INPPL1: variants seen among roughly 807,000 people sequenced by gnomAD.
INPPL1 encodes the protein phosphatidylinositol 3,4,5-trisphosphate 5-phosphatase 2.
In INPPL1, 91 loss-of-function variants were observed where a neutral mutation model predicts 139.3. The observed-to-expected ratio is 0.65, with a 90% CI of 0.55 to 0.78. The LOEUF (loss-of-function observed/expected upper bound fraction) is 0.78, where lower values mean the gene tolerates loss of function less well. Among genes scored for constraint, INPPL1 ranks in the 30% least tolerant of loss-of-function variants. The probability of loss-of-function intolerance (pLI) is 0.00; values close to 1 mark genes in which losing one functional copy is unlikely to be tolerated. For missense variants in INPPL1, 1,411 were observed against 1,665.6 expected (o/e 0.85, Z 2.66); for synonymous variants, 719 against 686.6 (o/e 1.05, Z -0.74).
rs1591274842 is a variant in INPPL1, at chr11:72,230,087, G to A, written c.940-34G>A. The A allele has an allele frequency of 3.7e-6, 6 of 1,612,332 alleles. No homozygotes were observed. In the East Asian group the frequency reaches 1.3e-4, roughly 36 times the overall value. On this transcript the variant is annotated intron_variant, in intron 8 of 27. Transcript: ENST00000298229. ...GTGACCAGGGTGCTGCCTACTCCAA[G>A]GTCTTGTCAGCAGCCTCCCCACCTG...
At chr11:72,237,917 A>T (rs1949041611) in intron 26 of INPPL1, 121 bp downstream of exon 26, 1 of 1,440,824 alleles carries the variant, frequency 6.9e-7, no homozygotes, top group Non-Finnish European at 9.2e-7. Flanking sequence ...ATCACTGGGA[A>T]GTTGGGAGAC....
rs1948974869 is a variant in INPPL1, at chr11:72,235,885, C to T, written c.2778C>T (p.Cys926=). The T allele has an allele frequency of 3.1e-6, 5 of 1,613,298 alleles. No individual in the cohort carries two copies. The highest frequency in any genetic ancestry group is 4.2e-6 in the Non-Finnish European group (5 of 1,179,812). ...AGCCAGCCTTCACAGAGGCCTCCTG[C>T]CCGCTCTCCAGGTTATTTGAAGAAC... ...SRKPAFTEAS[C]PLSRLFEEPE... Residue 926 remains cysteine, a synonymous_variant, in exon 25 of 28, where the codon TGC becomes TGT. Transcript: ENST00000298229. The surrounding 1 kb of genome is among the most constrained non-coding windows in gnomAD (Gnocchi z 4.9).
In INPPL1 at chr11:72,238,757, C is replaced by T. The variant is rs1235621396; in HGVS notation, c.*404C>T. 6.4e-6 allele frequency: 1 copy of T among 156,372 alleles called. No individual in the cohort carries two copies. The highest frequency in any genetic ancestry group is 6.5e-5 in the Admixed American group (1 of 15,394). 9.7% of individuals were successfully genotyped at this position (156,372 alleles called of 1,614,324 possible). On this transcript the variant is annotated 3_prime_UTR_variant, in exon 28 of 28. Transcript: ENST00000298229. ...CAGCGGAGGAGCTCCGCTAAGACCTCCCCACCCCCGCTGGGGGTGGGGGCG... is the reference window on the plus strand; with the variant it reads ...CAGCGGAGGAGCTCCGCTAAGACCTTCCCACCCCCGCTGGGGGTGGGGGCG...
At chr11:72,232,579 C>G (rs1591279505) in intron 14 of INPPL1, 47 bp from the exon 15 acceptor site, 3 of 1,604,364 alleles carry the variant, frequency 1.9e-6, no homozygotes, top group Non-Finnish European at 2.6e-6. Context: ...ACTTCTGGCC[C>G]TGACCCTGGG....
rs200310571 is a variant in INPPL1, at chr11:72,235,290, C to T, written c.2504-6C>T. On this transcript the variant is annotated splice_region_variant and splice_polypyrimidine_tract_variant and intron_variant, in intron 22 of 27. Transcript: ENST00000298229. This position sits in a 1 kb window ranked among gnomAD's most constrained non-coding sequence, Gnocchi z 4.9. Reference sequence around the variant, plus strand: ...AATTTGCTGGTTTGTCCCATCTGCTCCTCAGGGGAGTGTGTGGTTGCACTC... The same window carrying T: ...AATTTGCTGGTTTGTCCCATCTGCTTCTCAGGGGAGTGTGTGGTTGCACTC... 1.2e-6 allele frequency: 2 copies of T among 1,614,024 alleles called. No homozygotes were observed. The highest frequency in any genetic ancestry group is 4.5e-5 in the East Asian group (2 of 44,874).
At position 72,233,640 on chromosome 11, in the gene INPPL1, A is replaced by C. The variant is rs151248494; in HGVS notation, c.2123-15A>C. 1.2e-6 allele frequency: 2 copies of C among 1,613,002 alleles called. No homozygotes were observed. On this transcript the variant is annotated splice_polypyrimidine_tract_variant and intron_variant, in intron 18 of 27. Coordinates refer to ENST00000298229, the MANE Select transcript of INPPL1 (RefSeq NM_001567.4). The stretch of plus-strand genomic sequence containing the variant: ...ATATTCCCCCTGAGTCCCCATTCCT[A>C]TCCCCTCTCCCCAGGTTGCACTGAT...
chr11:72,230,104 C>G lies in INPPL1; in HGVS notation c.940-17C>G. The G allele has an allele frequency of 1.9e-6, 3 of 1,611,126 alleles. No homozygotes were observed. The highest frequency in any genetic ancestry group is 1.1e-5 in the South Asian group (1 of 90,982). On this transcript the variant is annotated splice_polypyrimidine_tract_variant and intron_variant, in intron 8 of 27. Transcript: ENST00000298229. The stretch of plus-strand genomic sequence containing the variant: ...TACTCCAAGGTCTTGTCAGCAGCCT[C>G]CCCACCTGGCCTACAGGTGAAGCTA...
intron 15 of INPPL1, 40 bp from the exon 16 acceptor site, chr11:72,232,835 T>A: frequency 6.2e-7 from 1 of 1,613,602 alleles, no homozygotes. Flanking sequence ...TGGCTCTGGC[T>A]CCGGAGGAAT....
intron 1 of INPPL1, among the ~76,000 whole-genome samples, chr11:72,226,438 C>T (rs1481019579): frequency 3.9e-5 from 6 of 152,160 alleles, no homozygotes; most frequent in Admixed American, 3.9e-4. Flanking sequence ...GCCCCGGCCT[C>T]TCAAAGTGCT....
At position 72,237,541 on chromosome 11, in the gene INPPL1, GC is replaced by G; in HGVS notation, c.3302del (p.Pro1101GlnfsTer30). 1 of 1,601,682 alleles carries G rather than the reference GC, an allele frequency of 6.2e-7. No homozygotes were observed. The highest frequency in any genetic ancestry group is 8.5e-7 in the Non-Finnish European group (1 of 1,171,984). On this transcript the variant is annotated frameshift_variant, in exon 26 of 28. Transcript: ENST00000298229. LOFTEE classifies it high-confidence loss of function. ...PPKAHPRPPL[P>X]PGPSPASTFL... The stretch of plus-strand genomic sequence containing the variant: ...CCAAGGCCCATCCAAGGCCTCCACT[GC>G]CCCCAGGCCCCTCACCAGCCAGCAC...
rs1436687461 is a variant in INPPL1, at chr11:72,224,851, C to G, written c.-134C>G. 2 of 541,206 alleles carry G rather than the reference C, an allele frequency of 3.7e-6. No homozygotes were observed. The highest frequency in any genetic ancestry group is 2.5e-4 in the East Asian group (2 of 7,940). 33.5% of individuals were successfully genotyped at this position (541,206 alleles called of 1,614,324 possible). On this transcript the variant is annotated 5_prime_UTR_variant, in exon 1 of 28. Coordinates refer to ENST00000298229, the MANE Select transcript of INPPL1 (RefSeq NM_001567.4). The stretch of plus-strand genomic sequence containing the variant: ...GGCCTGCGCGGCGGAGTGCTGAGTC[C>G]CGATCCCCGGCTCTGTCCGGCCCAC...
At position 72,238,122 on chromosome 11, in the gene INPPL1, GC is replaced by G; in HGVS notation, c.3634del (p.Arg1212AlafsTer56). 1.3e-6 allele frequency: 2 copies of G among 1,579,788 alleles called. No individual in the cohort carries two copies. Among genetic ancestry groups the G allele is most frequent in the Non-Finnish European group, 1.7e-6 (2 of 1,163,386 alleles). ...CCTGGCTGCGGGCCATCGGCTTGGA[GC>G]GCTATGAGGAGGGCCTGGTGCATAA... ...SAWLRAIGLE[R>X]YEEGLVHNGW... On this transcript the variant is annotated frameshift_variant, in exon 27 of 28. Coordinates refer to ENST00000298229, the MANE Select transcript of INPPL1 (RefSeq NM_001567.4). LOFTEE classifies it high-confidence loss of function.
In INPPL1 at chr11:72,238,267, A is replaced by G. The variant is rs371158287; in HGVS notation, c.3691A>G (p.Ile1231Val). ...GWDDLEFLSD[I>V]TEEDLEEAGV... ...CCAGCCTGTTTTACTCCACAGTGAC[A>G]TCACCGAGGAGGACTTGGAGGAGGC... Residue 1231 changes from isoleucine to valine, a missense_variant, in exon 28 of 28, where the codon ATC becomes GTC. Physicochemically the swap from Ile to Val is conservative, Grantham distance 29. This residue lies in a region of INPPL1 where 438 missense variants were observed against 425.7 expected (regional missense o/e 1.03). Coordinates refer to ENST00000298229, the MANE Select transcript of INPPL1 (RefSeq NM_001567.4). 15 of 1,613,058 alleles carry G rather than the reference A, an allele frequency of 9.3e-6. No individual in the cohort carries two copies. Among genetic ancestry groups the G allele is most frequent in the African/African-American group, 2.7e-5 (2 of 74,876 alleles).
At chr11:72,224,485 T>G, upstream of INPPL1, among the ~76,000 whole-genome samples, 1 of 147,258 alleles carries the variant, frequency 6.8e-6, no homozygotes, top group African/African-American at 2.6e-5. Context: ...AGCGCTGAAT[T>G]CTCCAGGGGG....
intron 10 of INPPL1, 160 bp downstream of exon 10, chr11:72,230,628 G>C: frequency 1.2e-6 from 1 of 858,200 alleles, no homozygotes; most frequent in Non-Finnish European, 1.9e-6. Context: ...CGGGTGGCCT[G>C]AGGGTGGATA....
At chr11:72,225,249 G>A in intron 1 of INPPL1, 83 bp downstream of exon 1, 2 of 1,222,904 alleles carry the variant, frequency 1.6e-6, no homozygotes, top group Non-Finnish European at 2.0e-6. Context: ...CCGGGTGAGG[G>A]TTTCTGGGGC....
rs1404265650 is a variant in INPPL1, at chr11:72,228,308, C to T, written c.247-40C>T. ...TTGATCCAGCCTAGGGCTTGGGGAC[C>T]TGCTGGCTGACCCTTCCTCCCACCC... On this transcript the variant is annotated intron_variant, in intron 2 of 27. Transcript: ENST00000298229. This position sits in a 1 kb window ranked among gnomAD's most constrained non-coding sequence, Gnocchi z 5.0. 2 of 1,613,918 alleles carry T rather than the reference C, an allele frequency of 1.2e-6. No homozygotes were observed. The highest frequency in any genetic ancestry group is 2.7e-5 in the African/African-American group (2 of 74,934).
Position 72,233,669 on chromosome 11 carries a change from A to G in INPPL1, c.2137A>G (p.Ile713Val). The G allele has an allele frequency of 6.2e-7, 1 of 1,613,976 alleles. No individual in the cohort carries two copies. Among genetic ancestry groups the G allele is most frequent in the Non-Finnish European group, 8.5e-7 (1 of 1,179,938 alleles). ...ICNSYGCTDD[I>V]VTSDHSPVFG... ...CCTCTCCCCAGGTTGCACTGATGACATCGTCACCAGCGACCATTCCCCCGT... is the reference window on the plus strand; with the variant it reads ...CCTCTCCCCAGGTTGCACTGATGACGTCGTCACCAGCGACCATTCCCCCGT... The change falls in exon 19 of 28, where the codon ATC becomes GTC. Residue 713 changes from isoleucine to valine, a missense_variant. By Grantham distance (29) the Ile-to-Val change is conservative (BLOSUM62 3). Around this residue, in one of 5 missense-constraint regions of INPPL1, gnomAD observed 363 missense variants for 446.2 expected, o/e 0.81. Transcript: ENST00000298229.
At chr11:72,224,309 C>G (rs1164476571), upstream of INPPL1, among the ~76,000 whole-genome samples, 3 of 149,740 alleles carry the variant, frequency 2.0e-5, no homozygotes, top group Non-Finnish European at 4.4e-5. Context: ...TTGGGGGCCC[C>G]GCCCGCTTGG....
Sources: gnomAD v4.1 joint callset for allele counts (sites outside exome capture counted in the v4.1 genomes callset) on GRCh38, gnomAD v4.1.1 for gene constraint, gnomAD v4.1.1 regional missense constraint, Gnocchi (gnomAD v3.1) non-coding constraint, MANE v1.5 for transcripts, NCBI Gene and HGNC (gene_info 2026-07-23, HGNC 2026-07-21) for gene names.